Variants in NR1H4 observed in about 807,000 individuals in gnomAD.
The protein encoded by NR1H4 is bile acid receptor.
A neutral mutation model predicts 58.5 loss-of-function variants in NR1H4; 23 were observed. The observed-to-expected ratio is 0.39, with a 90% CI of 0.28 to 0.56. The LOEUF is 0.56. NR1H4 is among the 20% of genes least tolerant of loss of function. The pLI is 0.58. For synonymous variants in NR1H4, 214 were observed against 198.0 expected (o/e 1.08, Z -0.68); for missense variants, 487 against 576.9 (o/e 0.84, Z 1.60).
chr12:100,518,988 A>T (rs762330411), intron 4 of NR1H4, among the ~76,000 whole-genome samples: 3 of 151,878 alleles, frequency 2.0e-5, no homozygotes, highest in Non-Finnish European at 4.4e-5. Context: ...GGGTTTCACC[A>T]TGTTGGCTAG....
In NR1H4 at chr12:100,563,445, C is replaced by T; in HGVS notation, c.1387C>T (p.His463Tyr). The T allele has an allele frequency of 6.2e-7, 1 of 1,614,098 alleles. No homozygotes were observed. Reference protein sequence around the residue: ...EMLMSWRVNDHKFTPLLCEIW... With the variant: ...EMLMSWRVNDYKFTPLLCEIW... ...GCTGATGTCATGGAGAGTAAACGACCACAAGTTTACCCCACTTCTCTGTGA... is the reference window on the plus strand; with the variant it reads ...GCTGATGTCATGGAGAGTAAACGACTACAAGTTTACCCCACTTCTCTGTGA... The change falls in exon 11 of 11, where the codon CAC becomes TAC. Residue 463 changes from histidine to tyrosine, a missense_variant. By Grantham distance (83) the His-to-Tyr change is moderately conservative. Transcript: ENST00000392986.
chr12:100,511,228 C>A, intron 4 of NR1H4, 85 bp downstream of exon 4: 1 of 1,568,710 alleles, frequency 6.4e-7, no homozygotes, highest in South Asian at 1.1e-5. Context: ...CTTCCCTTTT[C>A]CCAGGCAACT....
intron 4 of NR1H4, among the ~76,000 whole-genome samples, chr12:100,523,309 T>C (rs1293126773): frequency 6.6e-6 from 1 of 152,220 alleles, no homozygotes; most frequent in Non-Finnish European, 1.5e-5. Context: ...TGATTAGTGA[T>C]ACTGAACATG....
intron 9 of NR1H4, among the ~76,000 whole-genome samples, chr12:100,557,078 T>C (rs963119882): frequency 4.6e-5 from 7 of 152,226 alleles, no homozygotes; most frequent in Admixed American, 4.6e-4. Context: ...GTTTGTTACA[T>C]GGTGCGTTAG....
intron 4 of NR1H4, among the ~76,000 whole-genome samples, chr12:100,518,638 A>T (rs1251875509): frequency 6.6e-6 from 1 of 152,124 alleles, no homozygotes; most frequent in African/African-American, 2.4e-5. Context: ...CCTCTGTTGC[A>T]ACTAATCAAC....
chr12:100,529,831 T>C (rs1366668170), intron 4 of NR1H4, among the ~76,000 whole-genome samples: 1 of 152,214 alleles, frequency 6.6e-6, no homozygotes, highest in African/African-American at 2.4e-5. Context: ...GAAATCCTCA[T>C]ATTATACTTA....
intron 4 of NR1H4, among the ~76,000 whole-genome samples, chr12:100,516,591 C>T (rs1954272581): frequency 6.6e-6 from 1 of 152,124 alleles, no homozygotes; most frequent in Non-Finnish European, 1.5e-5. Flanking sequence ...TGATCTCCAT[C>T]TCCTGACCTC....
At chr12:100,562,086 G>A in intron 10 of NR1H4, 88 bp downstream of exon 10, 1 of 702,216 alleles carries the variant, frequency 1.4e-6, no homozygotes, top group East Asian at 2.7e-5. Flanking sequence ...GGAAAACATA[G>A]AAATATAAAG....
chr12:100,510,767 CTTT>C lies in NR1H4; in HGVS notation c.80-9_80-7del. The stretch of plus-strand genomic sequence containing the variant: ...GACATTCATTCCAGTTTTGTTGTCA[CTTT>C]TGTTCAGGTGTTTTAACAGAACAAG... On this transcript the variant is annotated splice_region_variant and splice_polypyrimidine_tract_variant and intron_variant, in intron 3 of 10. Coordinates refer to ENST00000392986, the MANE Select transcript of NR1H4 (RefSeq NM_001206979.2). The C allele has an allele frequency of 6.2e-7, 1 of 1,613,840 alleles. No individual in the cohort carries two copies. Among genetic ancestry groups the C allele is most frequent in the Non-Finnish European group, 8.5e-7 (1 of 1,179,876 alleles).
intron 4 of NR1H4, among the ~76,000 whole-genome samples, chr12:100,512,924 A>T (rs565731102): frequency 1.3e-5 from 2 of 152,232 alleles, no homozygotes; most frequent in African/African-American, 4.8e-5. Flanking sequence ...CAAACCTTTG[A>T]AAGTTCAAAT....
At position 100,483,679 on chromosome 12, in the gene NR1H4, T is replaced by C. The variant is rs118062904; in HGVS notation, c.-189-8824T>C. 7.7e-3 allele frequency among the ~76,000 whole-genome samples: 1,168 copies of C among 152,210 alleles called. 6 individuals carry two copies. The highest frequency in any genetic ancestry group is 0.012 in the Non-Finnish European group (824 of 67,994). The stretch of plus-strand genomic sequence containing the variant: ...TTCTTTTCCTAGAGCTCTTTTCTCT[T>C]TTTCCTTAAGAATATATTTCCAGGT... On this transcript the variant is annotated intron_variant, in intron 1 of 10. Coordinates refer to ENST00000392986, the MANE Select transcript of NR1H4 (RefSeq NM_001206979.2).
rs371461469 is a variant in NR1H4 at position 100,526,478 on chromosome 12, A to G, written c.446-5980A>G. On this transcript the variant is annotated intron_variant, in intron 4 of 10. Transcript: ENST00000392986. ...GTGATGTAAGATATGTTATATTCCT[A>G]TATTTCTCTAAATCAAAGTTAATCT... is the stretch of plus-strand genomic sequence containing the variant. Among the ~76,000 whole-genome samples, 14 of 152,252 alleles carry G rather than the reference A, an allele frequency of 9.2e-5. No individual in the cohort carries two copies. In the East Asian group the frequency reaches 2.5e-3, roughly 27 times the overall value.
chr12:100,516,040 C>A (rs528077618), intron 4 of NR1H4, among the ~76,000 whole-genome samples: 15 of 152,146 alleles, frequency 9.9e-5, no homozygotes, highest in Admixed American at 2.0e-4. Flanking sequence ...AGAATACTGG[C>A]GTAAAAATCA....
intron 1 of NR1H4, among the ~76,000 whole-genome samples, chr12:100,487,769 G>A (rs1318217735): frequency 2.6e-5 from 4 of 151,292 alleles, no homozygotes; most frequent in African/African-American, 4.9e-5. Flanking sequence ...CTGCCACCAC[G>A]CCTGGCTAAT....
At chr12:100,528,152 C>G (rs1211489579) in intron 4 of NR1H4, among the ~76,000 whole-genome samples, 1 of 152,158 alleles carries the variant, frequency 6.6e-6, no homozygotes, top group Non-Finnish European at 1.5e-5. Flanking sequence ...AATGGGTGGC[C>G]TACTACCAGT....
At chr12:100,485,445 A>G (rs1953470692) in intron 1 of NR1H4, among the ~76,000 whole-genome samples, 1 of 152,192 alleles carries the variant, frequency 6.6e-6, no homozygotes, top group Non-Finnish European at 1.5e-5. Context: ...AACTGTATGT[A>G]TTATTCTGCA....
chr12:100,554,399 A>ACACG (rs1160381969), intron 9 of NR1H4, among the ~76,000 whole-genome samples: 1 of 120,582 alleles, frequency 8.3e-6, no homozygotes, highest in East Asian at 3.6e-4. Flanking sequence ...AATAACACAC[A>ACACG]CACACACACA....
intron 8 of NR1H4, among the ~76,000 whole-genome samples, chr12:100,540,356 G>C (rs968730981): frequency 2.0e-5 from 3 of 152,154 alleles, no homozygotes; most frequent in Non-Finnish European, 4.4e-5. Flanking sequence ...CATCAGGTGT[G>C]ACTAACATAA....
At chr12:100,526,028 G>A (rs987092428) in intron 4 of NR1H4, among the ~76,000 whole-genome samples, 3 of 151,766 alleles carry the variant, frequency 2.0e-5, no homozygotes, top group Middle Eastern at 3.2e-3. Flanking sequence ...TTCTTGGTTA[G>A]CCTTGCTGGG....
Sources: gnomAD v4.1 joint callset for allele counts (sites outside exome capture counted in the v4.1 genomes callset) on GRCh38, gnomAD v4.1.1 for gene constraint, MANE v1.5 for transcripts, NCBI Gene and HGNC (gene_info 2026-07-23, HGNC 2026-07-21) for gene names.